KCNMA1: variants seen among roughly 807,000 people sequenced by gnomAD.
KCNMA1 encodes the protein Calcium-activated potassium channel subunit alpha-1.
Under a neutral mutation model 140.0 loss-of-function variants are expected in KCNMA1, and 29 were observed. The observed-to-expected ratio is 0.21, with a 90% CI of 0.15 to 0.28. KCNMA1 has a LOEUF of 0.28. Among genes scored for constraint, KCNMA1 ranks in the 10% least tolerant of loss-of-function variants. KCNMA1 has a pLI of 1.00. For missense variants in KCNMA1, 880 were observed against 1,602.2 expected (o/e 0.55, Z 7.70); for synonymous variants, 612 against 611.9 (o/e 1.00, Z 0.00).
chr10:77,365,795 C>G (rs1342120842), intron 2 of KCNMA1, among the ~76,000 whole-genome samples: 1 of 152,176 alleles, frequency 6.6e-6, no homozygotes, highest in Admixed American at 6.5e-5. Context: ...ACTCATCACA[C>G]CTCTCATGGA....
At chr10:77,583,143 A>G (rs2076325206) in intron 1 of KCNMA1, among the ~76,000 whole-genome samples, 1 of 152,218 alleles carries the variant, frequency 6.6e-6, no homozygotes, top group Non-Finnish European at 1.5e-5. Context: ...CTTACTGCTC[A>G]GAGCCTGGCC....
At chr10:77,194,488 G>A (rs566877711) in intron 3 of KCNMA1, among the ~76,000 whole-genome samples, 1 of 152,222 alleles carries the variant, frequency 6.6e-6, no homozygotes, top group Admixed American at 6.5e-5. Flanking sequence ...ATACCTGGAT[G>A]GCATGACCCT....
intron 5 of KCNMA1, among the ~76,000 whole-genome samples, chr10:77,159,670 C>A (rs190551144): frequency 2.6e-5 from 4 of 152,114 alleles, no homozygotes; most frequent in Admixed American, 6.6e-5. Context: ...CCTATTCCCC[C>A]CTCCTGTAGC....
intron 19 of KCNMA1, among the ~76,000 whole-genome samples, chr10:76,975,632 T>C (rs1476165043): frequency 6.6e-6 from 1 of 152,174 alleles, no homozygotes; most frequent in Non-Finnish European, 1.5e-5. Flanking sequence ...GGAGCCAAGT[T>C]CTACGCCCAG....
At chr10:77,230,576 T>G (rs978164180) in intron 3 of KCNMA1, among the ~76,000 whole-genome samples, 1 of 152,232 alleles carries the variant, frequency 6.6e-6, no homozygotes, top group African/African-American at 2.4e-5. Context: ...CGGAATTACA[T>G]AGCTAAAGTT....
intron 1 of KCNMA1, among the ~76,000 whole-genome samples, chr10:77,439,013 C>CTG (rs201153714): frequency 0.13 from 19,160 of 151,288 alleles, 1,259 homozygotes; most frequent in Middle Eastern, 0.19. Flanking sequence ...GAGGCCGAGG[C>CTG]CGAGCCCAGA....
intron 14 of KCNMA1, among the ~76,000 whole-genome samples, chr10:77,051,715 G>A (rs971487300): frequency 3.3e-5 from 5 of 152,118 alleles, no homozygotes; most frequent in African/African-American, 1.2e-4. Context: ...CGCAGCCTCT[G>A]GCTTCAAAAA....
At chr10:77,413,934 G>A (rs1362608569) in intron 1 of KCNMA1, among the ~76,000 whole-genome samples, 1 of 152,200 alleles carries the variant, frequency 6.6e-6, no homozygotes, top group Non-Finnish European at 1.5e-5. Context: ...TTTACTGGGT[G>A]TCTCGGCTGG....
chr10:76,942,938 G>A (rs1045562277), intron 23 of KCNMA1, among the ~76,000 whole-genome samples: 1 of 152,184 alleles, frequency 6.6e-6, no homozygotes, highest in African/African-American at 2.4e-5. Context: ...CTTTAAAAGG[G>A]CACATTTGAG....
chr10:77,263,850 G>C (rs922994909), intron 2 of KCNMA1, among the ~76,000 whole-genome samples: 1 of 152,102 alleles, frequency 6.6e-6, no homozygotes, highest in Non-Finnish European at 1.5e-5. Context: ...GGCTTGCTAA[G>C]AATGATACTA....
At chr10:77,211,836 C>T (rs890206129) in intron 3 of KCNMA1, among the ~76,000 whole-genome samples, 11 of 152,128 alleles carry the variant, frequency 7.2e-5, no homozygotes, top group South Asian at 6.2e-4. Context: ...GGCTAACAAA[C>T]ATGAAAAACT....
chr10:77,069,069 C>T (rs1242241077), intron 14 of KCNMA1, among the ~76,000 whole-genome samples: 3 of 152,092 alleles, frequency 2.0e-5, no homozygotes, highest in East Asian at 3.9e-4. Context: ...TAAATTACAT[C>T]CAAGTGAGGA....
At chr10:77,401,248 C>T (rs1339567969) in intron 2 of KCNMA1, among the ~76,000 whole-genome samples, 1 of 152,038 alleles carries the variant, frequency 6.6e-6, no homozygotes, top group Non-Finnish European at 1.5e-5. Context: ...GTTCCGCCTC[C>T]TGGGTCCGTG....
chr10:77,297,841 T>C (rs2075584987), intron 2 of KCNMA1, among the ~76,000 whole-genome samples: 1 of 152,174 alleles, frequency 6.6e-6, no homozygotes, highest in African/African-American at 2.4e-5. Context: ...AATTTCCTGG[T>C]TAATTTCTCC....
At chr10:77,082,230 T>A (rs1021543445) in intron 12 of KCNMA1, among the ~76,000 whole-genome samples, 1 of 151,804 alleles carries the variant, frequency 6.6e-6, no homozygotes, top group African/African-American at 2.4e-5. Flanking sequence ...GGTTTCACCA[T>A]GTTGGTCAGG....
chr10:77,534,174 A>G (rs1419328934), intron 1 of KCNMA1, among the ~76,000 whole-genome samples: 3 of 152,206 alleles, frequency 2.0e-5, no homozygotes. Flanking sequence ...AATCATTAGG[A>G]AAACTTCTAG....
At chr10:77,371,664 C>T (rs2154414886) in intron 2 of KCNMA1, among the ~76,000 whole-genome samples, 1 of 152,278 alleles carries the variant, frequency 6.6e-6, no homozygotes, top group Admixed American at 6.5e-5. Flanking sequence ...CTCATTGCAA[C>T]CTCACCATTC....
intron 25 of KCNMA1, among the ~76,000 whole-genome samples, chr10:76,898,373 T>C (rs1036833531): frequency 1.3e-5 from 2 of 151,908 alleles, no homozygotes; most frequent in South Asian, 4.1e-4. Context: ...AGAATAAATC[T>C]GGACTAAGGG....
chr10:77,361,414 A>T (rs1202992463), intron 2 of KCNMA1, among the ~76,000 whole-genome samples: 5 of 152,180 alleles, frequency 3.3e-5, no homozygotes, highest in Non-Finnish European at 7.3e-5. Context: ...CCAAACAGGG[A>T]CTTCCTCCCA....
Sources: gnomAD v4.1 joint callset for allele counts (sites outside exome capture counted in the v4.1 genomes callset) on GRCh38, gnomAD v4.1.1 for gene constraint, MANE v1.5 for transcripts, NCBI Gene and HGNC (gene_info 2026-07-23, HGNC 2026-07-21) for gene names.